Variants in LOXHD1 observed in about 807,000 individuals in gnomAD.
LOXHD1 encodes lipoxygenase homology domain-containing protein 1.
A neutral mutation model predicts 248.2 loss-of-function variants in LOXHD1; 205 were observed. The ratio of observed to expected loss-of-function variants is 0.83; its 90% CI spans 0.74 to 0.93. LOXHD1 has a LOEUF of 0.93. Ranked by LOEUF, LOXHD1 falls within the 40% of genes least tolerant of loss-of-function variation. The pLI is 0.00. For missense variants in LOXHD1, 2,930 were observed against 2,971.6 expected, an observed-to-expected ratio of 0.99 and a Z score of 0.33; for synonymous variants, 1,113 against 1,162.8, an observed-to-expected ratio of 0.96 and a Z score of 0.87.
intron 6 of LOXHD1, among the ~76,000 whole-genome samples, chr18:46,606,351 C>A (rs1443474858): frequency 6.6e-6 from 1 of 151,938 alleles, no homozygotes; most frequent in African/African-American, 2.4e-5. Flanking sequence ...TACACACACA[C>A]ACACACACAC....
intron 17 of LOXHD1, among the ~76,000 whole-genome samples, chr18:46,564,420 T>C (rs1419743287): frequency 6.6e-6 from 1 of 152,116 alleles, no homozygotes. Flanking sequence ...TAGTCCCAGC[T>C]ACTCAAGAGG....
At chr18:46,575,885 C>A (rs887302237) in intron 14 of LOXHD1, among the ~76,000 whole-genome samples, 1 of 152,200 alleles carries the variant, frequency 6.6e-6, no homozygotes, top group Non-Finnish European at 1.5e-5. Flanking sequence ...AGGCCTTCCT[C>A]GCATGCAAGA....
intron 21 of LOXHD1, chr18:46,556,887 C>CA (rs2037359915): frequency 8.0e-6 from 2 of 251,256 alleles, no homozygotes. Flanking sequence ...TCTGACCTTC[C>CA]AGTGTCACAG....
At chr18:46,488,535 C>T (rs983498104) in intron 38 of LOXHD1, among the ~76,000 whole-genome samples, 2 of 152,192 alleles carry the variant, frequency 1.3e-5, no homozygotes, top group African/African-American at 4.8e-5. Flanking sequence ...TTACTCTTCC[C>T]CTTTAAATAT....
intron 31 of LOXHD1, among the ~76,000 whole-genome samples, chr18:46,523,207 A>G (rs1322452770): frequency 6.6e-6 from 1 of 152,172 alleles, no homozygotes; most frequent in East Asian, 1.9e-4. Flanking sequence ...TTGGCCTCCC[A>G]AAGTGCTGGG....
intron 4 of LOXHD1, among the ~76,000 whole-genome samples, chr18:46,625,096 G>A (rs1010703135): frequency 1.3e-5 from 2 of 152,172 alleles, no homozygotes; most frequent in African/African-American, 4.8e-5. Flanking sequence ...TAGAAAGGGT[G>A]CAGCCTAGAT....
At chr18:46,653,517 C>G (rs1052438365) in intron 1 of LOXHD1, among the ~76,000 whole-genome samples, 28 of 152,174 alleles carry the variant, frequency 1.8e-4, no homozygotes, top group Non-Finnish European at 3.4e-4. Flanking sequence ...AGACAGATAC[C>G]TTGTGGAGGA....
At chr18:46,489,531 A>T (rs1313755141) in intron 37 of LOXHD1, among the ~76,000 whole-genome samples, 1 of 152,200 alleles carries the variant, frequency 6.6e-6, no homozygotes, top group East Asian at 1.9e-4. Flanking sequence ...GCTCACCAAG[A>T]TGAAGGATGA....
At chr18:46,509,653 G>C (rs1351634852) in intron 35 of LOXHD1, 45 bp downstream of exon 35, 1 of 1,366,150 alleles carries the variant, frequency 7.3e-7, no homozygotes, top group African/African-American at 1.4e-5. Flanking sequence ...CAGGGGAAGG[G>C]GTGGGTGGTG....
intron 1 of LOXHD1, among the ~76,000 whole-genome samples, chr18:46,652,989 C>T (rs1300800619): frequency 6.6e-6 from 1 of 152,218 alleles, no homozygotes; most frequent in Non-Finnish European, 1.5e-5. Flanking sequence ...CAGTAGCTCA[C>T]ACCTGTAATC....
intron 39 of LOXHD1, 112 bp from the exon 40 acceptor site, chr18:46,483,857 T>C (rs2032802121): frequency 1.5e-6 from 2 of 1,292,666 alleles, no homozygotes; most frequent in Admixed American, 2.2e-5. Context: ...AGGGATGGGA[T>C]GGCAAGCAGG....
At chr18:46,564,612 G>A (rs1021822607) in intron 17 of LOXHD1, among the ~76,000 whole-genome samples, 1 of 148,716 alleles carries the variant, frequency 6.7e-6, no homozygotes, top group African/African-American at 2.6e-5. Context: ...CTAAAGTAAG[G>A]TTGTTGGCAT....
At chr18:46,547,099 A>G in intron 21 of LOXHD1, 41 bp from the exon 22 acceptor site, 14 of 1,550,906 alleles carry the variant, frequency 9.0e-6, no homozygotes, top group Non-Finnish European at 1.0e-5. Flanking sequence ...GTCCTCTTAG[A>G]AAGGTCTCGT....
At position 46,485,152 on chromosome 18, in the gene LOXHD1, C is replaced by T. The variant is rs2143559471; in HGVS notation, c.6050-1G>A. 5 of 1,548,938 alleles carry T rather than the reference C, an allele frequency of 3.2e-6. No individual in the cohort carries two copies. The highest frequency in any genetic ancestry group is 3.5e-6 in the Non-Finnish European group (4 of 1,145,814). On this transcript the variant is annotated splice_acceptor_variant, in intron 38 of 40. Coordinates refer to ENST00000642948, the MANE Select transcript of LOXHD1 (RefSeq NM_001384474.1). LOFTEE classifies it high-confidence loss of function. ...CCCGTTTCTATGACGATCTCGTAGG[C>T]TGTAATGGAGGAGGTGGGGGAGGGT...
intron 4 of LOXHD1, among the ~76,000 whole-genome samples, chr18:46,621,263 T>G (rs2038664801): frequency 6.6e-6 from 1 of 152,210 alleles, no homozygotes; most frequent in Non-Finnish European, 1.5e-5. Context: ...GCAGCAGGGA[T>G]GGACAGATAC....
At chr18:46,551,036 G>A (rs2037077209) in intron 21 of LOXHD1, among the ~76,000 whole-genome samples, 1 of 151,966 alleles carries the variant, frequency 6.6e-6, no homozygotes, top group African/African-American at 2.4e-5. Flanking sequence ...GTCTCCTCTG[G>A]GGGTAAACCT....
chr18:46,544,548 C>T (rs1238260262), intron 23 of LOXHD1, among the ~76,000 whole-genome samples: 2 of 152,180 alleles, frequency 1.3e-5, no homozygotes, highest in Non-Finnish European at 2.9e-5. Context: ...TTATTGAGTG[C>T]CACTTTGTCC....
At chr18:46,532,894 C>G (rs954476343) in intron 28 of LOXHD1, among the ~76,000 whole-genome samples, 10 of 152,316 alleles carry the variant, frequency 6.6e-5, no homozygotes, top group African/African-American at 2.2e-4. Flanking sequence ...GATGTATTAT[C>G]CCAATGTCAG....
intron 4 of LOXHD1, among the ~76,000 whole-genome samples, chr18:46,624,706 C>T (rs892273616): frequency 6.6e-6 from 1 of 152,172 alleles, no homozygotes; most frequent in African/African-American, 2.4e-5. Flanking sequence ...ATGGCCTCTG[C>T]GAGATGCTCT....
Sources: gnomAD v4.1 joint callset for allele counts (sites outside exome capture counted in the v4.1 genomes callset) on GRCh38, gnomAD v4.1.1 for gene constraint, MANE v1.5 for transcripts, NCBI Gene and HGNC (gene_info 2026-07-23, HGNC 2026-07-21) for gene names.